Variants in TSPAN9 observed in about 807,000 individuals in gnomAD.
TSPAN9 encodes tetraspanin 9.
TSPAN9 carries 16 observed loss-of-function variants against 31.0 expected under a neutral mutation model. The ratio of observed to expected loss-of-function variants is 0.52; its 90% CI spans 0.35 to 0.78. The LOEUF (loss-of-function observed/expected upper bound fraction) is 0.78. Ranked by LOEUF, TSPAN9 falls within the 30% of genes least tolerant of loss-of-function variation. The probability of loss-of-function intolerance (pLI) is 0.01; values close to 1 mark genes in which losing one functional copy is unlikely to be tolerated. For synonymous variants in TSPAN9, 145 were observed against 121.6 expected, an observed-to-expected ratio of 1.19 and a Z score of -1.27; for missense variants, 272 against 312.5, an observed-to-expected ratio of 0.87 and a Z score of 0.98.
intron 2 of TSPAN9, among the ~76,000 whole-genome samples, chr12:3,166,946 G>C (rs529646022): frequency 6.6e-6 from 1 of 152,062 alleles, no homozygotes; most frequent in Non-Finnish European, 1.5e-5. Flanking sequence ...ACAGGCATGC[G>C]CCACCACGCC....
intron 2 of TSPAN9, among the ~76,000 whole-genome samples, chr12:3,159,231 C>A (rs567302669): frequency 1.3e-5 from 2 of 151,396 alleles, no homozygotes; most frequent in Non-Finnish European, 2.9e-5. Context: ...GAGCAGGAGC[C>A]GTGGCTTCTC....
At chr12:3,110,118 A>C (rs1041117989) in intron 2 of TSPAN9, among the ~76,000 whole-genome samples, 4 of 116,892 alleles carry the variant, frequency 3.4e-5, no homozygotes, top group African/African-American at 1.8e-4. Flanking sequence ...TCAGCACAAG[A>C]CCGGGAGTGG....
chr12:3,269,961 T>C (rs1862642722), intron 3 of TSPAN9, among the ~76,000 whole-genome samples: 1 of 152,224 alleles, frequency 6.6e-6, no homozygotes, highest in South Asian at 2.1e-4. Flanking sequence ...TCGATGTTTA[T>C]GGACTGGTGA....
rs947838725 is a variant in TSPAN9, at chr12:3,224,731, G to A, written c.63+23475G>A. ...CGCCAGGGTGGCCGCGTGATGGGCG[G>A]GGGTAATGACAGCTGTCGGGTCTGG... On this transcript the variant is annotated intron_variant, in intron 3 of 8. Transcript: ENST00000011898. 7.2e-5 allele frequency among the ~76,000 whole-genome samples: 11 copies of A among 152,366 alleles called. No individual in the cohort carries two copies. In the South Asian group the frequency reaches 8.3e-4, roughly 11 times the overall value.
At chr12:3,173,690 C>T (rs953373389) in intron 2 of TSPAN9, 2 of 152,034 alleles carry the variant, frequency 1.3e-5, no homozygotes, top group African/African-American at 4.8e-5. Context: ...AGATGGGGGT[C>T]TTGCTATATT....
chr12:3,280,321 G>A lies in TSPAN9; in HGVS notation c.331-61G>A. ...CCACCATCCTGGGTGACCTGAGGTG[G>A]GCTGGAGAGACGAGCTGCGTCCTGG... On this transcript the variant is annotated intron_variant, in intron 5 of 8. Transcript: ENST00000011898. This position sits in a 1 kb window ranked among gnomAD's most constrained non-coding sequence, Gnocchi z 4.5. 1 of 1,501,018 alleles carries A rather than the reference G, an allele frequency of 6.7e-7. No homozygotes were observed. Among genetic ancestry groups the A allele is most frequent in the Admixed American group, 1.7e-5 (1 of 59,634 alleles). 93.0% of individuals were successfully genotyped at this position (1,501,018 alleles called of 1,614,324 possible). A position where few individuals can be genotyped will look rare whatever the true frequency, so the allele number is the denominator to read the frequency against.
At chr12:3,272,511 T>C (rs556614257) in intron 3 of TSPAN9, among the ~76,000 whole-genome samples, 27 of 151,548 alleles carry the variant, frequency 1.8e-4, no homozygotes, top group East Asian at 5.8e-4. Flanking sequence ...TTTTTTTTTT[T>C]CCCCAAAGTG....
chr12:3,177,975 A>G (rs989324939), intron 2 of TSPAN9, among the ~76,000 whole-genome samples: 1 of 152,158 alleles, frequency 6.6e-6, no homozygotes, highest in African/African-American at 2.4e-5. Flanking sequence ...GTCTCTGGGC[A>G]GATGGTTAGC....
At chr12:3,200,812 C>G in intron 2 of TSPAN9, 1 of 218,146 alleles carries the variant, frequency 4.6e-6, no homozygotes. Flanking sequence ...AGGGGGCGTG[C>G]AAGGCTCCGC....
Position 3,283,195 on chromosome 12 carries a change from G to A in TSPAN9, c.*79G>A, listed in dbSNP as rs571454628. On this transcript the variant is annotated 3_prime_UTR_variant, in exon 9 of 9. Coordinates refer to ENST00000011898, the MANE Select transcript of TSPAN9 (RefSeq NM_006675.5). ...ATTGAGCTTTGTGTCACCTGCCTGC[G>A]CTCTCCAGATATGACCCCTGCACCC... The A allele has an allele frequency of 8.0e-6, 12 of 1,494,138 alleles. No homozygotes were observed. Among genetic ancestry groups the A allele is most frequent in the East Asian group, 6.8e-5 (3 of 43,834 alleles). 92.6% of individuals were successfully genotyped at this position (1,494,138 alleles called of 1,614,324 possible). A position where few individuals can be genotyped will look rare whatever the true frequency, so the allele number is the denominator to read the frequency against.
intron 2 of TSPAN9, among the ~76,000 whole-genome samples, chr12:3,146,298 G>C (rs936905731): frequency 6.6e-6 from 1 of 152,206 alleles, no homozygotes; most frequent in Non-Finnish European, 1.5e-5. Context: ...AGCTTCCCCT[G>C]GGTGTCTCAA....
intron 3 of TSPAN9, among the ~76,000 whole-genome samples, chr12:3,258,901 C>G (rs1180685227): frequency 6.6e-6 from 1 of 152,132 alleles, no homozygotes. Flanking sequence ...GTCTCTTGTC[C>G]TTAAGGTGGG....
chr12:3,271,561 A>T (rs1862679197), intron 3 of TSPAN9, among the ~76,000 whole-genome samples: 1 of 146,374 alleles, frequency 6.8e-6, no homozygotes, highest in African/African-American at 2.7e-5. Flanking sequence ...AAAAAAAAAG[A>T]AGAATGGAGT....
rs911467322 is a variant in TSPAN9, at chr12:3,107,883, C to G, written c.-18+24164C>G. The stretch of plus-strand genomic sequence containing the variant: ...GGACTCTTGTCTCTGTCCAGGCCCC[C>G]AAGCCTTTGCACATATTCCTGCTCC... On this transcript the variant is annotated intron_variant, in intron 2 of 8. Transcript: ENST00000011898. The surrounding 1 kb of genome is among the most constrained non-coding windows in gnomAD (Gnocchi z 4.1). Among the ~76,000 whole-genome samples, 49 of 152,336 alleles carry G rather than the reference C, an allele frequency of 3.2e-4. No individual in the cohort carries two copies. Among genetic ancestry groups the G allele is most frequent in the African/African-American group, 1.1e-3 (47 of 41,580 alleles).
chr12:3,182,171 G>T (rs1313828985), intron 2 of TSPAN9, among the ~76,000 whole-genome samples: 1 of 152,110 alleles, frequency 6.6e-6, no homozygotes, highest in Non-Finnish European at 1.5e-5. Flanking sequence ...TGAAAGGTGG[G>T]CTGGGAGGGA....
At chr12:3,268,682 C>G (rs1292327802) in intron 3 of TSPAN9, among the ~76,000 whole-genome samples, 31 of 92,904 alleles carry the variant, frequency 3.3e-4, no homozygotes, top group South Asian at 9.2e-4. Flanking sequence ...CCTGCCCTCT[C>G]TGTGTTCCTG....
intron 3 of TSPAN9, among the ~76,000 whole-genome samples, chr12:3,230,537 TA>T (rs2098390139): frequency 6.6e-6 from 1 of 152,074 alleles, no homozygotes; most frequent in Admixed American, 6.6e-5. Context: ...TAGAAAACAG[TA>T]AGTCATTTGC....
chr12:3,095,584 AGGCGCCCCTCACCTCCCAGAC>A, intron 2 of TSPAN9, among the ~76,000 whole-genome samples: 1 of 123,126 alleles, frequency 8.1e-6, no homozygotes, highest in South Asian at 2.6e-4. Context: ...GGCCGGGCAG[AGGCGCCCCTCACCTCCCAGAC>A]GGGGCGGCTG....
At chr12:3,121,344 G>T (rs1340914702) in intron 2 of TSPAN9, among the ~76,000 whole-genome samples, 13 of 124,590 alleles carry the variant, frequency 1.0e-4, no homozygotes, top group African/African-American at 3.1e-4. Flanking sequence ...CAAAACAGGG[G>T]ATGTTGGCTT....
Sources: gnomAD v4.1 joint callset for allele counts (sites outside exome capture counted in the v4.1 genomes callset) on GRCh38, gnomAD v4.1.1 for gene constraint, Gnocchi (gnomAD v3.1) non-coding constraint, MANE v1.5 for transcripts, NCBI Gene and HGNC (gene_info 2026-07-23, HGNC 2026-07-21) for gene names.